The following NEGR1 variants were observed in gnomAD, a reference collection of about 807,000 sequenced individuals.
The protein encoded by NEGR1 is neuronal growth regulator 1.
Under a neutral mutation model 40.9 loss-of-function variants are expected in NEGR1, and 10 were observed. That is an observed-to-expected ratio of 0.24 (90% confidence interval 0.15 to 0.42). The LOEUF (loss-of-function observed/expected upper bound fraction) is 0.42. Ranked by LOEUF, NEGR1 falls within the 10% of genes least tolerant of loss-of-function variation. The pLI is 1.00. For synonymous variants in NEGR1, 185 were observed against 166.8 expected (o/e 1.11, Z -0.84); for missense variants, 352 against 438.9 (o/e 0.80, Z 1.77).
chr1:71,510,195 C>CCTTG (rs1338405091), intron 6 of NEGR1, among the ~76,000 whole-genome samples: 3 of 152,088 alleles, frequency 2.0e-5, no homozygotes, highest in Non-Finnish European at 2.9e-5. Flanking sequence ...TTGTATTATC[C>CCTTG]CTTGTGTAAG....
intron 1 of NEGR1, among the ~76,000 whole-genome samples, chr1:72,157,524 T>C (rs1651404103): frequency 6.6e-6 from 1 of 152,098 alleles, no homozygotes; most frequent in Non-Finnish European, 1.5e-5. Flanking sequence ...AGACTGGGAG[T>C]TTAACCATTG....
At chr1:71,924,262 G>A (rs1248328445) in intron 2 of NEGR1, among the ~76,000 whole-genome samples, 1 of 152,080 alleles carries the variant, frequency 6.6e-6, no homozygotes, top group Non-Finnish European at 1.5e-5. Flanking sequence ...TGTATCATTC[G>A]GTCTACCACA....
At chr1:72,164,829 G>A (rs1223518871) in intron 1 of NEGR1, among the ~76,000 whole-genome samples, 1 of 151,784 alleles carries the variant, frequency 6.6e-6, no homozygotes, top group Non-Finnish European at 1.5e-5. Flanking sequence ...TAGATTAATG[G>A]GTATAACTCT....
intron 4 of NEGR1, among the ~76,000 whole-genome samples, chr1:71,622,900 C>T (rs961679151): frequency 1.3e-5 from 2 of 151,782 alleles, no homozygotes; most frequent in African/African-American, 4.8e-5. Flanking sequence ...ATGACTTCTT[C>T]CCTCTCAGAA....
chr1:71,480,665 A>G (rs1380926216), intron 6 of NEGR1, among the ~76,000 whole-genome samples: 1 of 151,882 alleles, frequency 6.6e-6, no homozygotes. Context: ...CCTTACTTCT[A>G]TCTATACCAC....
chr1:71,770,947 C>T (rs1234443251), intron 3 of NEGR1, among the ~76,000 whole-genome samples: 1 of 152,122 alleles, frequency 6.6e-6, no homozygotes, highest in Non-Finnish European at 1.5e-5. Flanking sequence ...AATCTCATTA[C>T]TGGGTATATA....
chr1:71,711,227 C>A (rs1654072436), intron 3 of NEGR1, among the ~76,000 whole-genome samples: 1 of 150,422 alleles, frequency 6.6e-6, no homozygotes, highest in Admixed American at 6.6e-5. Context: ...CGCCTGCAGT[C>A]CCAGCTACGC....
intron 3 of NEGR1, among the ~76,000 whole-genome samples, chr1:71,722,979 T>G (rs1447435002): frequency 7.9e-5 from 12 of 152,078 alleles, no homozygotes; most frequent in Admixed American, 7.9e-4. Flanking sequence ...TTTTTCCTAG[T>G]ATTTTATATA....
chr1:71,924,529 TCCATCCAC>T (rs1218422569), intron 2 of NEGR1, among the ~76,000 whole-genome samples: 1 of 152,066 alleles, frequency 6.6e-6, no homozygotes, highest in Non-Finnish European at 1.5e-5. Context: ...TAAAAAAGGG[TCCATCCAC>T]CCATTTGTTC....
At chr1:71,551,374 C>A (rs564721613) in intron 6 of NEGR1, among the ~76,000 whole-genome samples, 2 of 151,646 alleles carry the variant, frequency 1.3e-5, no homozygotes, top group Admixed American at 1.3e-4. Flanking sequence ...GTTTCGAAGG[C>A]ATATTCAGAC....
chr1:71,567,892 G>A (rs1203628347), intron 6 of NEGR1, among the ~76,000 whole-genome samples: 1 of 151,726 alleles, frequency 6.6e-6, no homozygotes, highest in African/African-American at 2.4e-5. Flanking sequence ...TCTCACATGT[G>A]AGGATGCAAC....
intron 1 of NEGR1, among the ~76,000 whole-genome samples, chr1:72,009,385 C>A (rs746255161): frequency 5.9e-5 from 9 of 152,042 alleles, no homozygotes; most frequent in African/African-American, 2.2e-4. Context: ...TGGAAACTTA[C>A]GCAATATTCT....
At chr1:72,195,971 C>T (rs28520203) in intron 1 of NEGR1, among the ~76,000 whole-genome samples, 2 of 151,964 alleles carry the variant, frequency 1.3e-5, no homozygotes, top group South Asian at 4.1e-4. Context: ...TTAGTGCCTT[C>T]CTCCCTCAGG....
intron 1 of NEGR1, among the ~76,000 whole-genome samples, chr1:71,981,120 C>A (rs1036793010): frequency 6.6e-6 from 1 of 152,084 alleles, no homozygotes; most frequent in Non-Finnish European, 1.5e-5. Flanking sequence ...GTAAGAATGA[C>A]AATGTTCCCT....
intron 6 of NEGR1, among the ~76,000 whole-genome samples, chr1:71,522,113 TAAATA>T (rs1353752911): frequency 1.3e-5 from 2 of 151,996 alleles, no homozygotes; most frequent in Non-Finnish European, 2.9e-5. Context: ...TCCTTGGTTC[TAAATA>T]AATATGATAA....
At chr1:71,443,386 G>A (rs1274369914) in intron 6 of NEGR1, among the ~76,000 whole-genome samples, 2 of 152,080 alleles carry the variant, frequency 1.3e-5, no homozygotes, top group East Asian at 3.9e-4. Flanking sequence ...AAAATACGTT[G>A]CTATCTAATG....
intron 6 of NEGR1, among the ~76,000 whole-genome samples, chr1:71,431,313 A>G (rs1350081806): frequency 6.6e-6 from 1 of 152,168 alleles, no homozygotes; most frequent in Non-Finnish European, 1.5e-5. Context: ...ACATGGCTAT[A>G]GCTCCCAATT....
intron 2 of NEGR1, among the ~76,000 whole-genome samples, chr1:71,837,726 C>A (rs1025176691): frequency 1.3e-5 from 2 of 152,018 alleles, no homozygotes; most frequent in South Asian, 4.2e-4. Flanking sequence ...CCTCCCAAAC[C>A]GCCATTAGCA....
rs59873481 is a variant in NEGR1, at chr1:71,730,877, CGTGTGTGTGTGTGTGTGTGTGTGT to C, written c.536-32762_536-32739del. 1.2e-4 allele frequency among the ~76,000 whole-genome samples: 15 copies of C among 130,072 alleles called. No homozygotes were observed. In the East Asian group the frequency reaches 3.2e-3, roughly 28 times the overall value. The allele number at this position is 130,072 out of a possible 152,430, so 85.3% of individuals were successfully genotyped here. A position where few individuals can be genotyped will look rare whatever the true frequency, so the allele number is the denominator to read the frequency against. Reference sequence around the variant, plus strand: ...TATGCTACTGGTGTAGTGAAGCATTCGTGTGTGTGTGTGTGTGTGTGTGTGTGTGTGTGTGTGTGTGTGTGTATG... The same window carrying C: ...TATGCTACTGGTGTAGTGAAGCATTCGTGTGTGTGTGTGTGTGTGTGTATG... On this transcript the variant is annotated intron_variant, in intron 3 of 6. Transcript: ENST00000357731.
Sources: allele counts gnomAD v4.1 joint callset (sites outside exome capture counted in the v4.1 genomes callset), GRCh38; gene constraint gnomAD v4.1.1; transcripts MANE v1.5; gene names NCBI Gene and HGNC (gene_info 2026-07-23, HGNC 2026-07-21).